The following SLC2A13 variants were observed in gnomAD, a reference collection of about 807,000 sequenced individuals.
SLC2A13 encodes the protein proton myo-inositol cotransporter.
In SLC2A13, 32 loss-of-function variants were observed where a neutral mutation model predicts 64.4. The observed-to-expected ratio is 0.50, with a 90% confidence interval of 0.37 to 0.67. The LOEUF (loss-of-function observed/expected upper bound fraction) is 0.67. SLC2A13 is among the 30% of genes least tolerant of loss of function. The pLI is 0.00. For synonymous variants in SLC2A13, 338 were observed against 327.1 expected (o/e 1.03, Z -0.36); for missense variants, 743 against 829.2 (o/e 0.90, Z 1.28).
At chr12:39,955,727 T>C (rs1366108042) in intron 3 of SLC2A13, among the ~76,000 whole-genome samples, 1 of 152,144 alleles carries the variant, frequency 6.6e-6, no homozygotes, top group East Asian at 1.9e-4. Flanking sequence ...CAATCACATG[T>C]ATCCTTATCA....
At chr12:39,815,236 T>C (rs1023144568) in intron 7 of SLC2A13, among the ~76,000 whole-genome samples, 2 of 152,182 alleles carry the variant, frequency 1.3e-5, no homozygotes, top group African/African-American at 4.8e-5. Context: ...GAATCCCATA[T>C]GCCCAAATAT....
chr12:39,774,764 AC>A (rs1940714475), intron 7 of SLC2A13, among the ~76,000 whole-genome samples: 1 of 152,164 alleles, frequency 6.6e-6, no homozygotes, highest in Non-Finnish European at 1.5e-5. Context: ...GCAAAAAGCC[AC>A]TTTTTTCCTG....
chr12:40,057,095 G>T (rs1300528415), intron 1 of SLC2A13, among the ~76,000 whole-genome samples: 5 of 151,900 alleles, frequency 3.3e-5, no homozygotes, highest in Non-Finnish European at 7.4e-5. Context: ...GCATAAGGAA[G>T]GACTGTAAAA....
intron 3 of SLC2A13, among the ~76,000 whole-genome samples, chr12:39,962,282 G>A (rs534254209): frequency 1.3e-5 from 2 of 151,942 alleles, no homozygotes; most frequent in African/African-American, 4.8e-5. Context: ...GTAGAGACAG[G>A]GTTTCACCAT....
intron 4 of SLC2A13, among the ~76,000 whole-genome samples, chr12:39,910,123 T>C (rs1021400145): frequency 6.6e-6 from 1 of 152,120 alleles, no homozygotes; most frequent in African/African-American, 2.4e-5. Context: ...TGCAGGACTA[T>C]CTACTGTGTC....
At chr12:40,067,673 A>C (rs1399170348) in intron 1 of SLC2A13, among the ~76,000 whole-genome samples, 3 of 152,250 alleles carry the variant, frequency 2.0e-5, no homozygotes, top group African/African-American at 7.2e-5. Flanking sequence ...ACTAATTAGT[A>C]TTACTTCTAC....
At chr12:39,902,855 A>T (rs1945169178) in intron 4 of SLC2A13, among the ~76,000 whole-genome samples, 1 of 152,132 alleles carries the variant, frequency 6.6e-6, no homozygotes, top group South Asian at 2.1e-4. Context: ...TCAAAGAAAT[A>T]AGCAACCAGG....
chr12:40,045,471 T>A (rs1278435713), intron 2 of SLC2A13, among the ~76,000 whole-genome samples: 1 of 151,002 alleles, frequency 6.6e-6, no homozygotes, highest in Non-Finnish European at 1.5e-5. Flanking sequence ...GCACTTCAAT[T>A]TTTATTTGCT....
intron 7 of SLC2A13, among the ~76,000 whole-genome samples, chr12:39,827,280 CTTGGTT>C (rs1428142469): frequency 6.6e-6 from 1 of 152,080 alleles, no homozygotes; most frequent in African/African-American, 2.4e-5. Flanking sequence ...AGCAAAGGCT[CTTGGTT>C]TTGCTTTTTC....
At chr12:39,969,302 T>G (rs1394669430) in intron 3 of SLC2A13, among the ~76,000 whole-genome samples, 1 of 152,218 alleles carries the variant, frequency 6.6e-6, no homozygotes, top group Non-Finnish European at 1.5e-5. Flanking sequence ...TATAATCCTT[T>G]GGGTATATAC....
At chr12:39,856,414 G>A (rs988758780) in intron 6 of SLC2A13, among the ~76,000 whole-genome samples, 7 of 152,142 alleles carry the variant, frequency 4.6e-5, no homozygotes, top group African/African-American at 1.7e-4. Context: ...CTGTCGCCAG[G>A]CTGGTGTGCA....
At chr12:39,854,030 T>C (rs1943538631) in intron 6 of SLC2A13, among the ~76,000 whole-genome samples, 1 of 152,108 alleles carries the variant, frequency 6.6e-6, no homozygotes, top group South Asian at 2.1e-4. Flanking sequence ...AACTCTTCTC[T>C]TTGCTTCTTG....
chr12:39,783,698 C>T (rs575262875), intron 7 of SLC2A13, among the ~76,000 whole-genome samples: 1 of 152,140 alleles, frequency 6.6e-6, no homozygotes, highest in Non-Finnish European at 1.5e-5. Flanking sequence ...ATATCCTTTG[C>T]CCACTTTTTG....
chr12:39,776,620 A>C (rs1940789653), intron 7 of SLC2A13, among the ~76,000 whole-genome samples: 2 of 152,368 alleles, frequency 1.3e-5, no homozygotes, highest in African/African-American at 4.8e-5. Flanking sequence ...AGGGTCACGG[A>C]GTTGACAGTG....
rs897283372 is a variant in SLC2A13 at position 39,756,264 on chromosome 12, T to C, written c.*3762A>G. On this transcript the variant is annotated 3_prime_UTR_variant, in exon 10 of 10. Transcript: ENST00000280871. ...TTAATACATTTTGCTATAAAGCACATATTATAAATTCTCTGCTCCTGGTCT... is the reference window on the plus strand; with the variant it reads ...TTAATACATTTTGCTATAAAGCACACATTATAAATTCTCTGCTCCTGGTCT... The C allele has an allele frequency of 6.6e-6, 1 of 151,950 alleles. No individual in the cohort carries two copies. Among genetic ancestry groups the C allele is most frequent in the Non-Finnish European group, 1.5e-5 (1 of 67,774 alleles). The allele number at this position is 151,950 out of a possible 1,614,324, so 9.4% of individuals were successfully genotyped here.
At chr12:39,895,514 TTATATATATA>T (rs777418112) in intron 4 of SLC2A13, among the ~76,000 whole-genome samples, 3,637 of 56,558 alleles carry the variant, frequency 0.064, 472 homozygotes, top group African/African-American at 0.17. Context: ...AAAAAAAAAA[TTATATATATA>T]TATATATATA....
chr12:39,928,790 G>T (rs554329337), intron 4 of SLC2A13, among the ~76,000 whole-genome samples: 1 of 152,324 alleles, frequency 6.6e-6, no homozygotes, highest in South Asian at 2.1e-4. Flanking sequence ...TAACACAGCA[G>T]AACTAAAACC....
intron 1 of SLC2A13, among the ~76,000 whole-genome samples, chr12:40,076,447 A>T (rs1938178697): frequency 6.6e-6 from 1 of 152,156 alleles, no homozygotes; most frequent in Non-Finnish European, 1.5e-5. Flanking sequence ...CACATTGGAT[A>T]ATGTTACTAG....
intron 7 of SLC2A13, among the ~76,000 whole-genome samples, chr12:39,800,431 C>G (rs966334062): frequency 6.8e-6 from 1 of 147,188 alleles, no homozygotes; most frequent in Non-Finnish European, 1.5e-5. Context: ...AAAAAGTGGG[C>G]GAAGGACATG....
Sources: gnomAD v4.1 joint callset for allele counts (sites outside exome capture counted in the v4.1 genomes callset) on GRCh38, gnomAD v4.1.1 for gene constraint, MANE v1.5 for transcripts, NCBI Gene and HGNC (gene_info 2026-07-23, HGNC 2026-07-21) for gene names.